The following ZFP82 variants were observed in gnomAD, a reference collection of about 807,000 sequenced individuals.
ZFP82 encodes the protein zinc finger protein 82 homolog.
Under a neutral mutation model 54.0 loss-of-function variants are expected in ZFP82, and 30 were observed. That is an observed-to-expected ratio of 0.56 (90% CI 0.42 to 0.75). ZFP82 has a LOEUF of 0.75. Ranked by LOEUF, ZFP82 falls within the 30% of genes least tolerant of loss-of-function variation. The pLI is 0.00. For synonymous variants in ZFP82, 194 were observed against 209.5 expected, an observed-to-expected ratio of 0.93 and a Z score of 0.64; for missense variants, 500 against 636.8, an observed-to-expected ratio of 0.79 and a Z score of 2.31.
Position 36,393,718 on chromosome 19 carries a change from T to G in ZFP82, c.622A>C (p.Arg208=), listed in dbSNP as rs1763002486. 6.2e-7 allele frequency: 1 copy of G among 1,614,046 alleles called. No homozygotes were observed. Among genetic ancestry groups the G allele is most frequent in the South Asian group, 1.1e-5 (1 of 91,086 alleles). Residue 208 remains arginine (R), a synonymous_variant, in exon 5 of 5, where the codon AGA becomes CGA. Coordinates refer to ENST00000392161, the MANE Select transcript of ZFP82 (RefSeq NM_133466.4). ...TGTCGAGTAAGGTGTGCAGTCTGTCTGAAGGCCATCCCACATTCCTTACAT... is the reference window on the plus strand; with the variant it reads ...TGTCGAGTAAGGTGTGCAGTCTGTCGGAAGGCCATCCCACATTCCTTACAT... ...YECKECGMAF[R]QTAHLTRHQR...
chr19:36,408,638 G>C (rs189773275), intron 2 of ZFP82, among the ~76,000 whole-genome samples: 1 of 152,198 alleles, frequency 6.6e-6, no homozygotes, highest in East Asian at 1.9e-4. Flanking sequence ...TGACCAACAG[G>C]AGAACCCTTG....
chr19:36,398,867 T>C (rs1414479943), intron 4 of ZFP82, among the ~76,000 whole-genome samples: 1 of 152,094 alleles, frequency 6.6e-6, no homozygotes, highest in African/African-American at 2.4e-5. Context: ...AATGATAAAG[T>C]ATATATTATC....
chr19:36,392,509 A>G lies in ZFP82; in HGVS notation c.*232T>C. 1 of 450,946 alleles carries G rather than the reference A, an allele frequency of 2.2e-6. No homozygotes were observed. The highest frequency in any genetic ancestry group is 3.9e-6 in the Non-Finnish European group (1 of 258,136). The allele number at this position is 450,946 out of a possible 1,614,324, so 27.9% of individuals were successfully genotyped here. ...AAGCGTCTTGTCCAGTATGACACAA[A>G]GTGATGGGATAGGGATGACGGTAAA... On this transcript the variant is annotated 3_prime_UTR_variant, in exon 5 of 5. Transcript: ENST00000392161.
In ZFP82 at chr19:36,389,879, T is replaced by C. The variant is rs1291784196; in HGVS notation, c.*2862A>G. Among the ~76,000 whole-genome samples, 1 of 152,072 alleles carries C rather than the reference T, an allele frequency of 6.6e-6. No homozygotes were observed. The highest frequency in any genetic ancestry group is 2.4e-5 in the African/African-American group (1 of 41,372). ...CCAATCCAGAGCCCATACTCCCAAC[T>C]ATCTCCTTTACCAAACTCTCATACA... On this transcript the variant is annotated 3_prime_UTR_variant, in exon 5 of 5. Transcript: ENST00000392161.
intron 4 of ZFP82, among the ~76,000 whole-genome samples, chr19:36,398,645 T>C (rs914073062): frequency 6.6e-5 from 10 of 151,504 alleles, no homozygotes; most frequent in African/African-American, 2.4e-4. Context: ...ATCAATTCCA[T>C]AGATGCTGAA....
chr19:36,387,500 G>C (rs2032129165), downstream of ZFP82, among the ~76,000 whole-genome samples: 1 of 152,104 alleles, frequency 6.6e-6, no homozygotes, highest in African/African-American at 2.4e-5. Context: ...CTGCCCTTCT[G>C]CCATAAGATG....
At chr19:36,406,720 GAGA>G (rs1454932131) in intron 3 of ZFP82, among the ~76,000 whole-genome samples, 1 of 152,124 alleles carries the variant, frequency 6.6e-6, no homozygotes, top group Non-Finnish European at 1.5e-5. Flanking sequence ...AAACATTTAG[GAGA>G]AGAATTACAG....
chr19:36,407,600 CA>C (rs35886467), intron 3 of ZFP82, among the ~76,000 whole-genome samples: 97,128 of 151,928 alleles, frequency 0.64, 31,124 homozygotes, highest in Admixed American at 0.68. Flanking sequence ...GTTCTGAATT[CA>C]AACACAAAGT....
chr19:36,416,095 T>A (rs1354984930), intron 1 of ZFP82, among the ~76,000 whole-genome samples: 1 of 152,260 alleles, frequency 6.6e-6, no homozygotes, highest in East Asian at 1.9e-4. Flanking sequence ...GTTTTGTGAG[T>A]CATCTTGTTC....
At position 36,393,595 on chromosome 19, in the gene ZFP82, T is replaced by C. The variant is rs779746431; in HGVS notation, c.745A>G (p.Ile249Val). The C allele has an allele frequency of 6.2e-6, 10 of 1,612,916 alleles. No homozygotes were observed. The South Asian group carries it at 9.9e-5, about 16-fold the overall frequency. The change falls in exon 5 of 5, where the codon ATT becomes GTT. Residue 249 changes from isoleucine (I) to valine (V), a missense_variant. Coordinates refer to ENST00000392161, the MANE Select transcript of ZFP82 (RefSeq NM_133466.4). ...ADLRVHQKMH[I>V]GEKPYECKEC... ...TTACATTCATAGGGCTTCTCACCAA[T>C]ATGCATTTTCTGATGTACTCTAAGA...
At chr19:36,415,467 A>G (rs1208328201) in intron 1 of ZFP82, among the ~76,000 whole-genome samples, 7 of 151,944 alleles carry the variant, frequency 4.6e-5, no homozygotes, top group Non-Finnish European at 1.5e-5. Context: ...GGCTCACTGC[A>G]ACCTCTGCCT....
chr19:36,392,472 C>T lies in ZFP82; in HGVS notation c.*269G>A, dbSNP rs1359807583. 2 of 339,332 alleles carry T rather than the reference C, an allele frequency of 5.9e-6. No homozygotes were observed. The highest frequency in any genetic ancestry group is 8.7e-5 in the Admixed American group (2 of 23,014). The allele number at this position is 339,332 out of a possible 1,614,324, so 21.0% of individuals were successfully genotyped here. On this transcript the variant is annotated 3_prime_UTR_variant, in exon 5 of 5. Transcript: ENST00000392161. Reference sequence around the variant, plus strand: ...CATGTCATAAATTAAAAAATTATAGCACAGAGCAGTTAAGCGTCTTGTCCA... The same window carrying T: ...CATGTCATAAATTAAAAAATTATAGTACAGAGCAGTTAAGCGTCTTGTCCA...
At chr19:36,397,579 G>C (rs779728501) in intron 4 of ZFP82, among the ~76,000 whole-genome samples, 2 of 151,288 alleles carry the variant, frequency 1.3e-5, no homozygotes, top group Non-Finnish European at 2.9e-5. Flanking sequence ...TTTGTTTTTT[G>C]AGACAGAGTC....
rs770530574 is a variant in ZFP82 at position 36,407,972 on chromosome 19, T to C, written c.51A>G (p.Pro17=). 19 of 1,614,004 alleles carry C rather than the reference T, an allele frequency of 1.2e-5. No individual in the cohort carries two copies. The highest frequency in any genetic ancestry group is 1.7e-5 in the Admixed American group (1 of 60,004). ...MFSDVSIDFS[P]EEWEYLDLEQ... is the part of the protein sequence containing the mutation. ...CCAAGTCCAGGTATTCCCACTCTTC[T>C]GGAGAGAAGTCTATGGATACATCAC... Residue 17 remains proline, a synonymous_variant, in exon 3 of 5, where the codon CCA becomes CCG. Coordinates refer to ENST00000392161, the MANE Select transcript of ZFP82 (RefSeq NM_133466.4).
chr19:36,414,391 A>G (rs906184543), intron 1 of ZFP82, among the ~76,000 whole-genome samples: 5 of 145,846 alleles, frequency 3.4e-5, no homozygotes, highest in African/African-American at 7.6e-5. Context: ...TTGAGACACA[A>G]TCTTGCTCTG....
rs2032229446 is a variant in ZFP82, at chr19:36,393,057, C to T, written c.1283G>A (p.Gly428Glu). 6.2e-7 allele frequency: 1 copy of T among 1,614,156 alleles called. No homozygotes were observed. Among genetic ancestry groups the T allele is most frequent in the Non-Finnish European group, 8.5e-7 (1 of 1,180,014 alleles). The change falls in exon 5 of 5, where the codon GGG (glycine) becomes GAG (glutamate). Residue 428 changes from glycine to glutamate, a missense_variant. Physicochemically the swap from Gly to Glu is moderately conservative, Grantham distance 98. Transcript: ENST00000392161. ...TTGTGAAAGTAGTCTGAAGGCCTTC[C>T]CGCATTCCTTACAGTCATAGGGCTT... Reference protein sequence around the residue: ...GVKPYDCKECGKAFRLLSQLT... With the variant: ...GVKPYDCKECEKAFRLLSQLT...
At chr19:36,410,555 T>G (rs2032562088) in intron 1 of ZFP82, among the ~76,000 whole-genome samples, 1 of 152,078 alleles carries the variant, frequency 6.6e-6, no homozygotes, top group South Asian at 2.1e-4. Context: ...CAGGTTGGAG[T>G]GCGGTGGCAC....
chr19:36,384,155 T>C (rs1011657250), downstream of ZFP82: 2 of 152,172 alleles, frequency 1.3e-5, no homozygotes, highest in African/African-American at 4.8e-5. Flanking sequence ...CTCTTGCTTA[T>C]GTACAGTAAT....
chr19:36,412,618 G>C (rs1388543233), intron 1 of ZFP82, among the ~76,000 whole-genome samples: 1 of 152,110 alleles, frequency 6.6e-6, no homozygotes, highest in Non-Finnish European at 1.5e-5. Flanking sequence ...CCAAGCTTTT[G>C]TTTTGTTTCT....
Sources: gnomAD v4.1 joint callset for allele counts (sites outside exome capture counted in the v4.1 genomes callset) on GRCh38, gnomAD v4.1.1 for gene constraint, MANE v1.5 for transcripts, NCBI Gene and HGNC (gene_info 2026-07-23, HGNC 2026-07-21) for gene names.